LRBA: variants seen among roughly 807,000 people sequenced by gnomAD.
LRBA encodes the protein LPS responsive beige-like anchor protein, also known as lipopolysaccharide-responsive and beige-like anchor protein.
In LRBA, 176 loss-of-function variants were observed where a neutral mutation model predicts 330.0. The ratio of observed to expected loss-of-function variants is 0.53; its 90% CI spans 0.47 to 0.60. The LOEUF is 0.60. Among genes scored for constraint, LRBA ranks in the 20% least tolerant of loss-of-function variants. LRBA has a pLI of 0.00. For missense variants in LRBA, 3,259 were observed against 3,444.8 expected, an observed-to-expected ratio of 0.95 and a Z score of 1.35; for synonymous variants, 1,230 against 1,193.0, an observed-to-expected ratio of 1.03 and a Z score of -0.64.
intron 2 of LRBA, among the ~76,000 whole-genome samples, chr4:151,006,594 A>G (rs1367256751): frequency 6.6e-6 from 1 of 152,116 alleles, no homozygotes; most frequent in East Asian, 1.9e-4. Context: ...TGTGTGTGAA[A>G]AGGGATGCTT....
chr4:150,686,849 A>G (rs1783668675), intron 36 of LRBA, among the ~76,000 whole-genome samples: 1 of 152,266 alleles, frequency 6.6e-6, no homozygotes, highest in East Asian at 1.9e-4. Flanking sequence ...AAATCAAATT[A>G]TATTTTGTAA....
At chr4:150,522,196 C>T (rs180801207) in intron 40 of LRBA, among the ~76,000 whole-genome samples, 4 of 152,186 alleles carry the variant, frequency 2.6e-5, no homozygotes, top group Admixed American at 2.6e-4. Context: ...CCACCAGACA[C>T]AAAACCTGCC....
chr4:150,549,362 C>T lies in LRBA; in HGVS notation c.6330+38686G>A, dbSNP rs577111681. Among the ~76,000 whole-genome samples the T allele has an allele frequency of 7.3e-5, 11 of 151,142 alleles. No individual in the cohort carries two copies. The South Asian group carries it at 1.9e-3, about 26-fold the overall frequency. On this transcript the variant is annotated intron_variant, in intron 40 of 56. Coordinates refer to ENST00000651943, the MANE Select transcript of LRBA (RefSeq NM_001364905.1). ...TTTTATTTTTTTTTAGATGGAGTCT[C>T]GCTCTGTTGCCTATGCTGCAGTGCA...
intron 46 of LRBA, among the ~76,000 whole-genome samples, chr4:150,416,336 AT>A (rs1747741249): frequency 6.6e-6 from 1 of 152,226 alleles, no homozygotes; most frequent in Non-Finnish European, 1.5e-5. Flanking sequence ...GGTCTTTCAG[AT>A]ATCCCCTCAG....
At chr4:150,932,304 T>C (rs1734596654) in intron 2 of LRBA, among the ~76,000 whole-genome samples, 2 of 147,952 alleles carry the variant, frequency 1.4e-5, no homozygotes, top group Non-Finnish European at 1.5e-5. Flanking sequence ...TAAGCACAAA[T>C]AGCTTCCTGA....
At chr4:150,689,270 G>C (rs1783900032) in intron 36 of LRBA, among the ~76,000 whole-genome samples, 2 of 152,004 alleles carry the variant, frequency 1.3e-5, no homozygotes, top group African/African-American at 4.8e-5. Context: ...AAGAACATAT[G>C]GGCACGGAGA....
At chr4:150,871,781 T>TA (rs1055887004) in intron 18 of LRBA, among the ~76,000 whole-genome samples, 18 of 152,146 alleles carry the variant, frequency 1.2e-4, no homozygotes, top group African/African-American at 4.1e-4. Context: ...AGCACTAACT[T>TA]AGTCTCCCCT....
At chr4:150,747,458 G>A (rs1433915060) in intron 35 of LRBA, among the ~76,000 whole-genome samples, 5 of 152,138 alleles carry the variant, frequency 3.3e-5, no homozygotes, top group Non-Finnish European at 7.3e-5. Context: ...CAGTGCCTGG[G>A]GACCCAGCAG....
chr4:150,662,297 G>A (rs1213457959), intron 37 of LRBA, among the ~76,000 whole-genome samples: 5 of 152,096 alleles, frequency 3.3e-5, no homozygotes, highest in East Asian at 3.9e-4. Flanking sequence ...TTTGCTATTC[G>A]CAGAGGATGA....
rs1733671723 is a variant in LRBA, at chr4:150,329,117, C to CA, written c.7363-3220dup. ...TGGTCTGATTATTCTATCTCAATGA[C>CA]AGAATAAAAGCTATAGTCTCTCACA... On this transcript the variant is annotated intron_variant, in intron 48 of 56. Transcript: ENST00000651943. 2.6e-5 allele frequency among the ~76,000 whole-genome samples: 4 copies of CA among 152,108 alleles called. No homozygotes were observed. In the South Asian group the frequency reaches 8.3e-4, roughly 32 times the overall value.
At chr4:150,473,048 A>G (rs1033339889) in intron 42 of LRBA, among the ~76,000 whole-genome samples, 5 of 152,110 alleles carry the variant, frequency 3.3e-5, no homozygotes, top group African/African-American at 1.2e-4. Context: ...ATTTTTTGAG[A>G]AACCGCCAAA....
intron 40 of LRBA, among the ~76,000 whole-genome samples, chr4:150,500,518 C>T (rs1760131055): frequency 6.6e-6 from 1 of 152,076 alleles, no homozygotes. Flanking sequence ...GCGGAGGTTG[C>T]AGTGAGCTGA....
chr4:150,867,289 T>C (rs1752840782), intron 22 of LRBA, among the ~76,000 whole-genome samples: 4 of 152,062 alleles, frequency 2.6e-5, no homozygotes, highest in Admixed American at 2.6e-4. Flanking sequence ...AGCTTTTAAC[T>C]CATATAAAAT....
intron 47 of LRBA, among the ~76,000 whole-genome samples, chr4:150,401,322 C>T (rs2151927995): frequency 6.6e-6 from 1 of 152,332 alleles, no homozygotes; most frequent in Non-Finnish European, 1.5e-5. Flanking sequence ...ATTCACTTAA[C>T]ATTGTCAACA....
At chr4:150,606,622 C>A (rs530558860) in intron 37 of LRBA, among the ~76,000 whole-genome samples, 6 of 152,278 alleles carry the variant, frequency 3.9e-5, no homozygotes, top group South Asian at 2.1e-4. Flanking sequence ...GCCTCAACAA[C>A]CCTGCCATGA....
At chr4:150,498,127 T>C (rs1759803184) in intron 40 of LRBA, among the ~76,000 whole-genome samples, 1 of 152,344 alleles carries the variant, frequency 6.6e-6, no homozygotes, top group East Asian at 1.9e-4. Flanking sequence ...AAATTGATGT[T>C]GCTTTAGATG....
At chr4:150,341,546 A>G (rs1315750330) in intron 48 of LRBA, among the ~76,000 whole-genome samples, 2 of 151,994 alleles carry the variant, frequency 1.3e-5, no homozygotes, top group African/African-American at 4.8e-5. Context: ...TCTTTTCCAC[A>G]TGCCATACTC....
At chr4:150,414,710 C>T (rs1747485980) in intron 47 of LRBA, among the ~76,000 whole-genome samples, 1 of 152,090 alleles carries the variant, frequency 6.6e-6, no homozygotes, top group South Asian at 2.1e-4. Flanking sequence ...AGGCTGGTCT[C>T]GAACTCCTGA....
chr4:150,633,854 C>T (rs574028497), intron 37 of LRBA, among the ~76,000 whole-genome samples: 4 of 152,314 alleles, frequency 2.6e-5, no homozygotes, highest in Non-Finnish European at 5.9e-5. Context: ...GTGGCTCACA[C>T]CTGTAATCCC....
Sources: allele counts gnomAD v4.1 joint callset (sites outside exome capture counted in the v4.1 genomes callset), GRCh38; gene constraint gnomAD v4.1.1; transcripts MANE v1.5; gene names NCBI Gene and HGNC (gene_info 2026-07-23, HGNC 2026-07-21).